Variants in SULT1A2 observed in about 807,000 individuals in gnomAD.
SULT1A2 encodes the protein sulfotransferase 1A2.
A neutral mutation model predicts 36.0 loss-of-function variants in SULT1A2; 33 were observed. The ratio of observed to expected loss-of-function variants is 0.92; its 90% confidence interval spans 0.69 to 1.22. SULT1A2 has a LOEUF of 1.22. Ranked by LOEUF, SULT1A2 falls within the 50% of genes most tolerant of loss-of-function variation. SULT1A2 has a pLI of 0.00. For missense variants in SULT1A2, 367 were observed against 383.2 expected, an observed-to-expected ratio of 0.96 and a Z score of 0.35; for synonymous variants, 138 against 144.5, an observed-to-expected ratio of 0.96 and a Z score of 0.32.
At chr16:28,595,102 G>A (rs117075874) in intron 4 of SULT1A2, among the ~76,000 whole-genome samples, 4,466 of 151,906 alleles carry the variant, frequency 0.029, 103 homozygotes, top group Non-Finnish European at 0.043. Context: ...TCTATTCATC[G>A]TTTTTTGAGA....
chr16:28,595,379 A>C lies in SULT1A2; in HGVS notation c.360T>G (p.Asp120Glu), dbSNP rs1354016203. The change falls in exon 4 of 8, where the codon GAT becomes GAG. Residue 120 changes from aspartate to glutamate, a missense_variant. Asp to Glu is a conservative substitution (Grantham distance 45, BLOSUM62 2). Transcript: ENST00000335715. ...TGCCCAGTCTCACCTTGACCTTCTG[A>C]TCCAACAGAGTCTGGGGGAGCAGAG... ...PLALLPQTLL[D>E]QKVKVVYVAR... The C allele has an allele frequency of 6.2e-7, 1 of 1,613,824 alleles. No homozygotes were observed. Among genetic ancestry groups the C allele is most frequent in the Non-Finnish European group, 8.5e-7 (1 of 1,179,910 alleles).
rs34699167 is a variant in SULT1A2 at position 28,593,494 on chromosome 16, G to GT, written c.446dup (p.Tyr149Ter). 1,797 of 1,614,144 alleles carry GT rather than the reference G, an allele frequency of 1.1e-3. 26 individuals are homozygous for GT. In the African/African-American group the frequency reaches 0.022, roughly 20 times the overall value. Reference sequence around the variant, plus strand: ...AGCTTTCCCAGGTCCCAGGGTGAGGGTACACTTTGGCCATGTGGTAGAAGT... The same window carrying GT: ...AGCTTTCCCAGGTCCCAGGGTGAGGGTTACACTTTGGCCATGTGGTAGAAGT... ...YYHFYHMAKV[Y>*]PHPGTWESFL... The change falls in exon 5 of 8, where the codon TAC becomes TAAC. Residue 149 changes from tyrosine to a stop codon, truncating the protein, a stop_gained and frameshift_variant. Coordinates refer to ENST00000335715, the MANE Select transcript of SULT1A2 (RefSeq NM_001054.4). LOFTEE classifies it high-confidence loss of function.
At position 28,596,213 on chromosome 16, in the gene SULT1A2, G is replaced by A. The variant is rs187005228; in HGVS notation, c.-4-279C>T. The A allele has an allele frequency of 2.1e-4, 281 of 1,368,314 alleles. 4 individuals are homozygous for A. The East Asian group carries it at 7.2e-3, about 35-fold the overall frequency. 84.8% of individuals were successfully genotyped at this position (1,368,314 alleles called of 1,614,324 possible). ...ACCAGTGAAAGCACCCTCGTGGCGC[G>A]GGGCCCAGATGTCAGGGTGTGTGAA... is the stretch of plus-strand genomic sequence containing the variant. On this transcript the variant is annotated intron_variant, in intron 1 of 7. Coordinates refer to ENST00000335715, the MANE Select transcript of SULT1A2 (RefSeq NM_001054.4).
Position 28,595,659 on chromosome 16 carries a change from G to C in SULT1A2, c.165C>G (p.Ser55Arg). Residue 55 changes from serine (S) to arginine (R), a missense_variant, in exon 3 of 8, where the codon AGC becomes AGG. Physicochemically the swap from Ser to Arg is moderately radical, Grantham distance 110. Transcript: ENST00000335715. Reference sequence around the variant, plus strand: ...CCTGGTAGATCATGTCCAGAATCTGGCTCACCCAGGTGGTGCCTGGAGAGG... The same window carrying C: ...CCTGGTAGATCATGTCCAGAATCTGCCTCACCCAGGTGGTGCCTGGAGAGG... ...TYPKSGTTWV[S>R]QILDMIYQGG... is the part of the protein sequence containing the mutation. 1.9e-6 allele frequency: 3 copies of C among 1,614,178 alleles called. No homozygotes were observed. The highest frequency in any genetic ancestry group is 2.5e-6 in the Non-Finnish European group (3 of 1,180,012).
intron 1 of SULT1A2, 101 bp from the exon 2 acceptor site, chr16:28,596,035 CTGAGTGACT>C (rs1323936785): frequency 6.3e-7 from 1 of 1,575,744 alleles, no homozygotes; most frequent in Non-Finnish European, 8.6e-7. Flanking sequence ...CCTAGGGAGG[CTGAGTGACT>C]TGCCCGCACT....
chr16:28,596,825 T>TC (rs1487440279), intron 1 of SULT1A2, 172 bp downstream of exon 1: 1 of 371,834 alleles, frequency 2.7e-6, no homozygotes. Context: ...AGACCTGGCC[T>TC]CCCCGGAAAA....
intron 2 of SULT1A2, 45 bp downstream of exon 2, chr16:28,595,738 T>G (rs1190259707): frequency 6.2e-7 from 1 of 1,611,722 alleles, no homozygotes; most frequent in African/African-American, 1.3e-5. Flanking sequence ...CTGGCCAAGG[T>G]GGGGACTGCC....
In SULT1A2 at chr16:28,595,426, G is replaced by C. The variant is rs1336995732; in HGVS notation, c.313C>G (p.Leu105Val). The C allele has an allele frequency of 6.2e-7, 1 of 1,614,098 alleles. No individual in the cohort carries two copies. The highest frequency in any genetic ancestry group is 1.7e-5 in the Admixed American group (1 of 60,010). Residue 105 changes from leucine (L) to valine (V), a missense_variant, in exon 4 of 8, where the codon CTG (leucine) becomes GTG (valine). By Grantham distance (32) the Leu-to-Val change is conservative (BLOSUM62 1). Transcript: ENST00000335715. ...AGAGCCAGGGGCAGGTGTGTCTTCA[G>C]GAGTCGTGGGGCTGGTGTGTTTTTC... ...TLKNTPAPRL[L>V]KTHLPLALLP...
chr16:28,596,186 A>G, intron 1 of SULT1A2: 1 of 1,370,216 alleles, frequency 7.3e-7, no homozygotes, highest in Middle Eastern at 2.7e-4. Flanking sequence ...GCCATGGTGC[A>G]GACCAGTGAA....
chr16:28,594,600 C>T (rs1476172258), intron 4 of SULT1A2, among the ~76,000 whole-genome samples: 1 of 151,776 alleles, frequency 6.6e-6, no homozygotes, highest in Non-Finnish European at 1.5e-5. Context: ...TTACTGGCGC[C>T]TGCCCCAACG....
chr16:28,596,859 T>C (rs2047064614), intron 1 of SULT1A2, 138 bp downstream of exon 1: 3 of 507,738 alleles, frequency 5.9e-6, no homozygotes, highest in Non-Finnish European at 8.7e-6. Flanking sequence ...GGAGGGGGAT[T>C]CAGGCCGGCC....
intron 4 of SULT1A2, among the ~76,000 whole-genome samples, chr16:28,594,839 G>T (rs113208333): frequency 0.33 from 45,143 of 135,214 alleles, 7,931 homozygotes; most frequent in Non-Finnish European, 0.38. Context: ...GCAGTGCAAT[G>T]GTGAGGTCTC....
chr16:28,594,738 C>T (rs1004674909), intron 4 of SULT1A2, among the ~76,000 whole-genome samples: 2 of 148,270 alleles, frequency 1.3e-5, no homozygotes, highest in African/African-American at 5.0e-5. Flanking sequence ...CAGGCGTGAG[C>T]CACAACAGGC....
intron 4 of SULT1A2, among the ~76,000 whole-genome samples, chr16:28,593,846 A>G (rs140573873): frequency 7.4e-4 from 113 of 152,176 alleles, no homozygotes; most frequent in African/African-American, 2.6e-3. Flanking sequence ...TGTTCCCACC[A>G]CCACCAAATT....
At chr16:28,594,740 A>G (rs2047038350) in intron 4 of SULT1A2, among the ~76,000 whole-genome samples, 1 of 143,928 alleles carries the variant, frequency 6.9e-6, no homozygotes. Flanking sequence ...GGCGTGAGCC[A>G]CAACAGGCCC....
chr16:28,593,244 G>A lies in SULT1A2; in HGVS notation c.594+8C>T, dbSNP rs372257072. 3.2e-4 allele frequency: 509 copies of A among 1,612,946 alleles called. 1 individual carries two copies. The highest frequency in any genetic ancestry group is 4.0e-4 in the Non-Finnish European group (476 of 1,179,990). ...TCACGTGGAGGGAAGCATCAAAGGC[G>A]GTCTCACCTCCTTCATGTCTTCATA... is the stretch of plus-strand genomic sequence containing the variant. On this transcript the variant is annotated splice_region_variant and intron_variant, in intron 6 of 7. Coordinates refer to ENST00000335715, the MANE Select transcript of SULT1A2 (RefSeq NM_001054.4).
Position 28,591,983 on chromosome 16 carries a change from G to C in SULT1A2, c.*45C>G, listed in dbSNP as rs1293586709. 1.2e-6 allele frequency: 2 copies of C among 1,611,792 alleles called. No homozygotes were observed. The highest frequency in any genetic ancestry group is 1.7e-5 in the Admixed American group (1 of 59,920). The stretch of plus-strand genomic sequence containing the variant: ...ACTTTATTCTGGAGCCTCTTGGTCA[G>C]GCTTGATTCGCACACTCCCTCTGCA... On this transcript the variant is annotated 3_prime_UTR_variant, in exon 8 of 8. Coordinates refer to ENST00000335715, the MANE Select transcript of SULT1A2 (RefSeq NM_001054.4).
chr16:28,593,805 C>G (rs781722840), intron 4 of SULT1A2, among the ~76,000 whole-genome samples: 1 of 152,166 alleles, frequency 6.6e-6, no homozygotes, highest in Non-Finnish European at 1.5e-5. Flanking sequence ...CGTCACACCC[C>G]GATCTGGAGC....
chr16:28,592,373 A>C lies in SULT1A2; in HGVS notation c.665T>G (p.Leu222Arg), dbSNP rs770877637. The change falls in exon 7 of 8, where the codon CTC becomes CGC. Residue 222 changes from leucine (L) to arginine (R), a missense_variant. Coordinates refer to ENST00000335715, the MANE Select transcript of SULT1A2 (RefSeq NM_001054.4). ...GRSLPEETVD[L>R]MVEHTSFKEM... Reference sequence around the variant, plus strand: ...CTTGAACGACGTGTGCTCAACCATGAGGTCCACAGTCTCCTCTGGCAGGGA... The same window carrying C: ...CTTGAACGACGTGTGCTCAACCATGCGGTCCACAGTCTCCTCTGGCAGGGA... The C allele has an allele frequency of 6.2e-7, 1 of 1,614,054 alleles. No homozygotes were observed. Among genetic ancestry groups the C allele is most frequent in the Non-Finnish European group, 8.5e-7 (1 of 1,179,924 alleles).
Sources: gnomAD v4.1 joint callset for allele counts (sites outside exome capture counted in the v4.1 genomes callset) on GRCh38, gnomAD v4.1.1 for gene constraint, MANE v1.5 for transcripts, NCBI Gene and HGNC (gene_info 2026-07-23, HGNC 2026-07-21) for gene names.